SNTG1: variants seen among roughly 807,000 people sequenced by gnomAD.
SNTG1 encodes the protein syntrophin gamma 1.
In SNTG1, 39 loss-of-function variants were observed where a neutral mutation model predicts 74.7. That is an observed-to-expected ratio of 0.52 (90% CI 0.40 to 0.68). SNTG1 has a LOEUF of 0.68. Ranked by LOEUF, SNTG1 falls within the 30% of genes least tolerant of loss-of-function variation. SNTG1 has a pLI of 0.00. For synonymous variants in SNTG1, 254 were observed against 217.1 expected, an observed-to-expected ratio of 1.17 and a Z score of -1.49; for missense variants, 685 against 609.5, an observed-to-expected ratio of 1.12 and a Z score of -1.30.
rs1466225223 is a variant in SNTG1, at chr8:50,794,242, T to C, written c.*1413T>C. 6.6e-6 allele frequency: 1 copy of C among 151,926 alleles called. No homozygotes were observed. Among genetic ancestry groups the C allele is most frequent in the African/African-American group, 2.4e-5 (1 of 41,412 alleles). The allele number at this position is 151,926 out of a possible 1,614,324, so 9.4% of individuals were successfully genotyped here. On this transcript the variant is annotated 3_prime_UTR_variant, in exon 19 of 19. Transcript: ENST00000642720. ...TCAATTTTTTTTTTCAAATATGTTT[T>C]TAAAAATCACTCAAGAAGGAAACAA...
chr8:49,980,784 T>C (rs988599751), intron 1 of SNTG1, among the ~76,000 whole-genome samples: 2 of 152,162 alleles, frequency 1.3e-5, no homozygotes, highest in Non-Finnish European at 2.9e-5. Flanking sequence ...ATAAAAAGTA[T>C]TCTTTAGGGA....
chr8:50,455,347 T>A (rs1477019955), intron 8 of SNTG1, among the ~76,000 whole-genome samples: 1 of 152,228 alleles, frequency 6.6e-6, no homozygotes, highest in Non-Finnish European at 1.5e-5. Flanking sequence ...AAAAATATGT[T>A]CATCTGCTTT....
rs1821285872 is a variant in SNTG1, at chr8:50,070,639, A to T, written c.-102-101922A>T. 2.0e-5 allele frequency among the ~76,000 whole-genome samples: 3 copies of T among 152,238 alleles called. No individual in the cohort carries two copies. The South Asian group carries it at 6.2e-4, about 31-fold the overall frequency. On this transcript the variant is annotated intron_variant, in intron 1 of 18. Coordinates refer to ENST00000642720, the MANE Select transcript of SNTG1 (RefSeq NM_018967.5). ...GAAAAATCAAAGCAAAAACAAAAAC[A>T]AAAAGAAATGATTTCAATTCCATTC...
intron 1 of SNTG1, among the ~76,000 whole-genome samples, chr8:49,987,649 CT>C (rs35381511): frequency 4.1e-4 from 54 of 131,486 alleles, no homozygotes; most frequent in Admixed American, 4.1e-4. Context: ...TTAAATTAAC[CT>C]TTTTTTTTTT....
At chr8:50,686,998 A>G (rs3860838) in intron 15 of SNTG1, among the ~76,000 whole-genome samples, 140,791 of 150,058 alleles carry the variant, frequency 0.94, 66,083 homozygotes, top group East Asian at 1. Context: ...AGCCGGGCGC[A>G]GTGGCGGGCG....
chr8:50,043,921 A>C (rs1244969991), intron 1 of SNTG1, among the ~76,000 whole-genome samples: 1 of 152,230 alleles, frequency 6.6e-6, no homozygotes, highest in Non-Finnish European at 1.5e-5. Flanking sequence ...GAGGACATTT[A>C]AGAACCAACA....
At chr8:50,779,584 C>CGTGATTTTTGTACATTGATTTTGT (rs1339741931) in intron 18 of SNTG1, among the ~76,000 whole-genome samples, 5 of 152,126 alleles carry the variant, frequency 3.3e-5, no homozygotes, top group African/African-American at 9.7e-5. Flanking sequence ...AGTTGCTTAT[C>CGTGATTTTTGTACATTGATTTTGT]AGCTTAAGGA....
At chr8:50,707,690 C>T (rs1409063614) in intron 16 of SNTG1, among the ~76,000 whole-genome samples, 1 of 140,256 alleles carries the variant, frequency 7.1e-6, no homozygotes, top group East Asian at 2.1e-4. Context: ...ACTTCTCTTC[C>T]TTTTTTTCTT....
chr8:50,089,663 T>A (rs2079638407), intron 1 of SNTG1, among the ~76,000 whole-genome samples: 2 of 152,174 alleles, frequency 1.3e-5, no homozygotes, highest in Admixed American at 6.6e-5. Context: ...AAGATGCTCA[T>A]CATCACTGGC....
intron 13 of SNTG1, among the ~76,000 whole-genome samples, chr8:50,642,774 T>A (rs2095082204): frequency 6.6e-6 from 1 of 152,162 alleles, no homozygotes; most frequent in Non-Finnish European, 1.5e-5. Flanking sequence ...TTATTTATGG[T>A]TCCCCCTTAG....
chr8:50,161,065 G>A (rs1484213460), intron 1 of SNTG1, among the ~76,000 whole-genome samples: 1 of 152,166 alleles, frequency 6.6e-6, no homozygotes, highest in Non-Finnish European at 1.5e-5. Context: ...AAGACTTATA[G>A]ATAGATCATT....
intron 14 of SNTG1, among the ~76,000 whole-genome samples, chr8:50,657,783 C>A (rs1249980858): frequency 6.6e-6 from 1 of 152,056 alleles, no homozygotes; most frequent in Non-Finnish European, 1.5e-5. Context: ...CTATTATATT[C>A]TATATCCTAG....
At chr8:49,992,379 T>C (rs1375859776) in intron 1 of SNTG1, among the ~76,000 whole-genome samples, 1 of 152,220 alleles carries the variant, frequency 6.6e-6, no homozygotes, top group East Asian at 1.9e-4. Flanking sequence ...CAATTTTGCA[T>C]ATTAAGAGTC....
chr8:50,478,880 T>A (rs1308669649), intron 8 of SNTG1, among the ~76,000 whole-genome samples: 3 of 152,188 alleles, frequency 2.0e-5, no homozygotes, highest in African/African-American at 7.2e-5. Flanking sequence ...AGACATCCCA[T>A]AATAAAACAT....
At chr8:50,719,358 G>A (rs2095482265) in intron 17 of SNTG1, among the ~76,000 whole-genome samples, 1 of 152,086 alleles carries the variant, frequency 6.6e-6, no homozygotes, top group Admixed American at 6.5e-5. Flanking sequence ...TCCTCCTTCT[G>A]CCACGGGAGA....
chr8:50,430,163 G>C (rs2093216655), intron 4 of SNTG1, among the ~76,000 whole-genome samples: 1 of 152,082 alleles, frequency 6.6e-6, no homozygotes, highest in Non-Finnish European at 1.5e-5. Context: ...TAAATTAATT[G>C]TGGTGAATGC....
intron 17 of SNTG1, among the ~76,000 whole-genome samples, chr8:50,746,850 T>TTATATTGTAAATATATA (rs1407123865): frequency 6.8e-6 from 1 of 147,744 alleles, no homozygotes; most frequent in African/African-American, 2.5e-5. Flanking sequence ...ATATAATATA[T>TTATATTGTAAATATATA]TATATTGTAA....
chr8:50,386,626 A>G (rs1371376219), intron 2 of SNTG1, among the ~76,000 whole-genome samples: 1 of 152,152 alleles, frequency 6.6e-6, no homozygotes, highest in Non-Finnish European at 1.5e-5. Flanking sequence ...GCATGACACC[A>G]GAGTCTACAT....
At chr8:50,263,188 G>T (rs1393888303) in intron 2 of SNTG1, among the ~76,000 whole-genome samples, 1 of 152,100 alleles carries the variant, frequency 6.6e-6, no homozygotes, top group Admixed American at 6.6e-5. Context: ...AAGGGGATAG[G>T]CTATGCGTGT....
Sources: allele counts gnomAD v4.1 joint callset (sites outside exome capture counted in the v4.1 genomes callset), GRCh38; gene constraint gnomAD v4.1.1; transcripts MANE v1.5; gene names NCBI Gene and HGNC (gene_info 2026-07-23, HGNC 2026-07-21).